CDH4: variants seen among roughly 807,000 people sequenced by gnomAD.
The protein encoded by CDH4 is cadherin-4.
In CDH4, 33 loss-of-function variants were observed where a neutral mutation model predicts 86.0. The observed-to-expected ratio is 0.38, with a 90% CI of 0.29 to 0.51. The LOEUF is 0.51. Ranked by LOEUF, CDH4 falls within the 20% of genes least tolerant of loss-of-function variation. The pLI is 0.86. For missense variants in CDH4, 1,114 were observed against 1,307.4 expected (o/e 0.85, Z 2.28); for synonymous variants, 555 against 549.4 (o/e 1.01, Z -0.14).
chr20:61,527,910 T>C (rs1041862336), intron 2 of CDH4, among the ~76,000 whole-genome samples: 3 of 152,156 alleles, frequency 2.0e-5, no homozygotes, highest in African/African-American at 7.2e-5. Flanking sequence ...GCTCACCCTT[T>C]CCGCATCTTG....
intron 2 of CDH4, among the ~76,000 whole-genome samples, chr20:61,304,414 A>G (rs533152563): frequency 6.6e-6 from 1 of 152,076 alleles, no homozygotes; most frequent in Non-Finnish European, 1.5e-5. Context: ...GTATTGCTTC[A>G]TAATGGTCTG....
At chr20:61,736,263 G>C (rs982926206) in intron 2 of CDH4, among the ~76,000 whole-genome samples, 1 of 152,168 alleles carries the variant, frequency 6.6e-6, no homozygotes, top group Non-Finnish European at 1.5e-5. Flanking sequence ...CCAGCTCTCA[G>C]GTCCTGGAAT....
chr20:61,812,845 A>G (rs1373998399), intron 4 of CDH4, among the ~76,000 whole-genome samples: 1 of 152,198 alleles, frequency 6.6e-6, no homozygotes, highest in Non-Finnish European at 1.5e-5. Context: ...CATGACAGCC[A>G]TGCAAGCTTC....
At chr20:61,489,431 A>G (rs2085613871) in intron 2 of CDH4, among the ~76,000 whole-genome samples, 1 of 152,244 alleles carries the variant, frequency 6.6e-6, no homozygotes, top group Non-Finnish European at 1.5e-5. Flanking sequence ...TCCAAAAGAA[A>G]TTAAAGAGAT....
chr20:61,396,876 C>T (rs2085020659), intron 2 of CDH4, among the ~76,000 whole-genome samples: 1 of 152,176 alleles, frequency 6.6e-6, no homozygotes, highest in Admixed American at 6.5e-5. Context: ...TTTAATACTA[C>T]TTAAATCTTT....
chr20:61,705,362 G>A (rs539003014), intron 2 of CDH4, among the ~76,000 whole-genome samples: 6 of 152,334 alleles, frequency 3.9e-5, no homozygotes, highest in African/African-American at 7.2e-5. Flanking sequence ...ACCAGACCCC[G>A]GGGGTTCCAC....
intron 2 of CDH4, among the ~76,000 whole-genome samples, chr20:61,423,348 A>G (rs2085190736): frequency 6.6e-6 from 1 of 152,166 alleles, no homozygotes; most frequent in Non-Finnish European, 1.5e-5. Flanking sequence ...TGCAGAGGCC[A>G]CTGCCTCATG....
At chr20:61,591,318 C>G (rs2086518026) in intron 2 of CDH4, among the ~76,000 whole-genome samples, 1 of 152,214 alleles carries the variant, frequency 6.6e-6, no homozygotes, top group Admixed American at 6.5e-5. Context: ...TCCATGTTAA[C>G]ATAAGTAATG....
intron 2 of CDH4, among the ~76,000 whole-genome samples, chr20:61,629,725 T>A (rs1439923303): frequency 6.6e-6 from 1 of 152,160 alleles, no homozygotes; most frequent in Non-Finnish European, 1.5e-5. Context: ...GGCTGCCCTG[T>A]CCCTGCCAAA....
intron 4 of CDH4, among the ~76,000 whole-genome samples, chr20:61,839,457 G>A (rs1405124796): frequency 1.3e-5 from 2 of 151,592 alleles, no homozygotes. Context: ...AGTATGTGTT[G>A]TGTGTGCACT....
chr20:61,521,873 G>T (rs969968038), intron 2 of CDH4, among the ~76,000 whole-genome samples: 48 of 152,164 alleles, frequency 3.2e-4, no homozygotes, highest in Non-Finnish European at 1.2e-4. Flanking sequence ...GATTTTAGTC[G>T]CATTTCCTGT....
chr20:61,473,718 C>T (rs6121401), intron 2 of CDH4, among the ~76,000 whole-genome samples: 1,617 of 152,098 alleles, frequency 0.011, 31 homozygotes, highest in African/African-American at 0.036. Context: ...TTGATGAGTG[C>T]GGAATGGCAT....
At chr20:61,822,253 C>T (rs142565533) in intron 4 of CDH4, among the ~76,000 whole-genome samples, 1 of 152,102 alleles carries the variant, frequency 6.6e-6, no homozygotes, top group African/African-American at 2.4e-5. Context: ...GTAATGGAAA[C>T]CTTTGTCATT....
chr20:61,420,588 AG>A (rs1317627737), intron 2 of CDH4, among the ~76,000 whole-genome samples: 1 of 152,262 alleles, frequency 6.6e-6, no homozygotes, highest in Non-Finnish European at 1.5e-5. Flanking sequence ...CCAGGGATCC[AG>A]CAACTCTCTT....
intron 2 of CDH4, among the ~76,000 whole-genome samples, chr20:61,272,686 T>C (rs2084189488): frequency 6.6e-6 from 1 of 151,840 alleles, no homozygotes; most frequent in African/African-American, 2.4e-5. Context: ...TTTGGGGAAG[T>C]ACCCTGGGCA....
At chr20:61,827,460 A>C (rs760658519) in intron 4 of CDH4, among the ~76,000 whole-genome samples, 27 of 152,260 alleles carry the variant, frequency 1.8e-4, no homozygotes, top group Admixed American at 2.0e-4. Context: ...ATTGAGGACC[A>C]GGATTATTGG....
chr20:61,860,703 A>G (rs1983283784), intron 6 of CDH4, among the ~76,000 whole-genome samples: 1 of 152,146 alleles, frequency 6.6e-6, no homozygotes, highest in Admixed American at 6.5e-5. Context: ...GACAGTGACC[A>G]CTGAAGGCGT....
intron 2 of CDH4, among the ~76,000 whole-genome samples, chr20:61,534,652 T>C (rs866112219): frequency 1.8e-4 from 21 of 115,506 alleles, no homozygotes; most frequent in South Asian, 5.0e-4. Context: ...TTCTTTCTTT[T>C]CTTTCTTTCT....
chr20:61,674,421 C>T (rs1297358006), intron 2 of CDH4, among the ~76,000 whole-genome samples: 1 of 152,146 alleles, frequency 6.6e-6, no homozygotes, highest in Non-Finnish European at 1.5e-5. Flanking sequence ...GAGTGACAGG[C>T]AGCAGGCCTT....
Sources: gnomAD v4.1 joint callset for allele counts (sites outside exome capture counted in the v4.1 genomes callset) on GRCh38, gnomAD v4.1.1 for gene constraint, MANE v1.5 for transcripts, NCBI Gene and HGNC (gene_info 2026-07-23, HGNC 2026-07-21) for gene names.